Variants in GOLGA5 observed in about 807,000 individuals in gnomAD.
GOLGA5 encodes the protein golgin A5.
Under a neutral mutation model 93.5 loss-of-function variants are expected in GOLGA5, and 50 were observed. The observed-to-expected ratio is 0.53, with a 90% confidence interval of 0.43 to 0.68. GOLGA5 has a LOEUF of 0.68. Among genes scored for constraint, GOLGA5 ranks in the 30% least tolerant of loss-of-function variants. The pLI, the probability that GOLGA5 is intolerant of heterozygous loss-of-function variation, is 0.00. For synonymous variants in GOLGA5, 312 were observed against 304.5 expected (o/e 1.02, Z -0.26); for missense variants, 760 against 856.4 (o/e 0.89, Z 1.40).
intron 9 of GOLGA5, among the ~76,000 whole-genome samples, chr14:92,826,739 G>A (rs1281207915): frequency 1.3e-5 from 2 of 151,180 alleles, no homozygotes; most frequent in African/African-American, 2.4e-5. Flanking sequence ...TTGCATGGGA[G>A]TAGATGAAAA....
chr14:92,835,045 C>G (rs1224944318), intron 10 of GOLGA5, among the ~76,000 whole-genome samples: 2 of 152,114 alleles, frequency 1.3e-5, no homozygotes, highest in Non-Finnish European at 2.9e-5. Flanking sequence ...TTGTGATGTC[C>G]TGAGACAGGG....
At chr14:92,838,835 A>G (rs1885701010) in intron 12 of GOLGA5, among the ~76,000 whole-genome samples, 1 of 152,160 alleles carries the variant, frequency 6.6e-6, no homozygotes, top group Admixed American at 6.5e-5. Flanking sequence ...TTTCTGGCAC[A>G]CGACAAAGTG....
At chr14:92,817,280 T>TA (rs545582690) in intron 7 of GOLGA5, among the ~76,000 whole-genome samples, 322 of 152,276 alleles carry the variant, frequency 2.1e-3, no homozygotes, top group African/African-American at 7.2e-3. Context: ...GTTATGGTGA[T>TA]AAAAAACAGA....
chr14:92,810,859 A>G (rs1032569009), intron 5 of GOLGA5, among the ~76,000 whole-genome samples: 11 of 152,242 alleles, frequency 7.2e-5, no homozygotes, highest in African/African-American at 1.2e-4. Flanking sequence ...TCTGAGCTCC[A>G]TATGCAGTCA....
At chr14:92,836,785 C>T (rs368506914) in intron 11 of GOLGA5, among the ~76,000 whole-genome samples, 2 of 152,088 alleles carry the variant, frequency 1.3e-5, no homozygotes, top group African/African-American at 2.4e-5. Context: ...AGATTTAGGC[C>T]GGGCACGGTG....
In GOLGA5 at chr14:92,839,931, TAAAAG is replaced by T. The variant is rs895401635; in HGVS notation, c.*490_*494del. 2.4e-5 allele frequency: 4 copies of T among 169,842 alleles called. No homozygotes were observed. The highest frequency in any genetic ancestry group is 9.5e-5 in the African/African-American group (4 of 42,106). 10.5% of individuals were successfully genotyped at this position (169,842 alleles called of 1,614,324 possible). On this transcript the variant is annotated 3_prime_UTR_variant, in exon 13 of 13. Transcript: ENST00000163416. ...GTAAATCTTTTTATAAATACATAAA[TAAAAG>T]AAAAATATGCATTTTTCTTTTCTAA...
intron 1 of GOLGA5, among the ~76,000 whole-genome samples, chr14:92,795,724 G>C (rs981706345): frequency 1.5e-5 from 1 of 68,124 alleles, no homozygotes; most frequent in Non-Finnish European, 2.6e-5. Flanking sequence ...AGAACAAGAA[G>C]CATGTTAAAA....
Position 92,824,563 on chromosome 14 carries a change from A to G in GOLGA5, c.1638A>G (p.Glu546=). The change falls in exon 9 of 13, where the codon GAA becomes GAG. Residue 546 remains glutamate (E), a synonymous_variant. Coordinates refer to ENST00000163416, the MANE Select transcript of GOLGA5 (RefSeq NM_005113.4). ...ERLKQEFHYI[E]EDLYRTKNTL... is the part of the protein sequence containing the mutation. ...CTTTGCAGGAGTTCCACTATATAGA[A>G]GAAGATCTTTATCGAACAAAGAACA... is the stretch of plus-strand genomic sequence containing the variant. 1 of 1,594,064 alleles carries G rather than the reference A, an allele frequency of 6.3e-7. No individual in the cohort carries two copies. The highest frequency in any genetic ancestry group is 8.6e-7 in the Non-Finnish European group (1 of 1,164,312).
Position 92,797,791 on chromosome 14 carries a change from T to C in GOLGA5, c.354T>C (p.Pro118=). The C allele has an allele frequency of 6.2e-7, 1 of 1,613,834 alleles. No individual in the cohort carries two copies. Among genetic ancestry groups the C allele is most frequent in the Non-Finnish European group, 8.5e-7 (1 of 1,179,888 alleles). ...TTGTGCGAAGAAAAAAGTCAGAACCTGATGATGAGCTGCTGTTTGATTTTC... is the reference window on the plus strand; with the variant it reads ...TTGTGCGAAGAAAAAAGTCAGAACCCGATGATGAGCTGCTGTTTGATTTTC... ...SHFVRRKKSE[P]DDELLFDFLN... The change falls in exon 2 of 13, where the codon CCT becomes CCC. Residue 118 remains proline, a synonymous_variant. Coordinates refer to ENST00000163416, the MANE Select transcript of GOLGA5 (RefSeq NM_005113.4).
chr14:92,807,416 A>T (rs541591410), intron 3 of GOLGA5, among the ~76,000 whole-genome samples: 1 of 152,260 alleles, frequency 6.6e-6, no homozygotes, highest in Non-Finnish European at 1.5e-5. Flanking sequence ...TGATATTTTC[A>T]TAGAAAAACT....
chr14:92,814,699 G>C (rs1356019447), intron 6 of GOLGA5, among the ~76,000 whole-genome samples: 1 of 152,098 alleles, frequency 6.6e-6, no homozygotes, highest in Non-Finnish European at 1.5e-5. Flanking sequence ...AATTATTTTT[G>C]ATGGAGGAGA....
intron 7 of GOLGA5, among the ~76,000 whole-genome samples, chr14:92,817,505 T>C (rs1885234624): frequency 6.6e-6 from 1 of 152,212 alleles, no homozygotes; most frequent in East Asian, 1.9e-4. Context: ...ATTTATAGTT[T>C]ATGTATAATT....
intron 2 of GOLGA5, among the ~76,000 whole-genome samples, chr14:92,805,563 G>A (rs1884966958): frequency 6.6e-6 from 1 of 152,192 alleles, no homozygotes. Flanking sequence ...ATAAGAAATT[G>A]TAAAACCTTT....
At chr14:92,831,989 A>G (rs903117939) in intron 9 of GOLGA5, among the ~76,000 whole-genome samples, 1 of 152,210 alleles carries the variant, frequency 6.6e-6, no homozygotes, top group Non-Finnish European at 1.5e-5. Flanking sequence ...ACTTAGATCA[A>G]ACTTTTTTCA....
At chr14:92,816,224 T>G (rs777325876) in intron 6 of GOLGA5, 27 bp from the exon 7 acceptor site, 1 of 1,520,692 alleles carries the variant, frequency 6.6e-7, no homozygotes, top group East Asian at 2.2e-5. Context: ...TCTGCTTTGC[T>G]TAAACATATT....
At chr14:92,815,765 G>A (rs980444906) in intron 6 of GOLGA5, among the ~76,000 whole-genome samples, 4 of 144,658 alleles carry the variant, frequency 2.8e-5, no homozygotes, top group African/African-American at 7.8e-5. Flanking sequence ...GTGCGGTGGC[G>A]CGATCTCGGC....
chr14:92,835,830 T>G (rs1366652447), intron 11 of GOLGA5, among the ~76,000 whole-genome samples, 166 bp downstream of exon 11: 5 of 152,238 alleles, frequency 3.3e-5, no homozygotes, highest in Non-Finnish European at 5.9e-5. Flanking sequence ...ACAGTTATAT[T>G]ACACTTTCAT....
chr14:92,797,334 T>C (rs888073367), intron 1 of GOLGA5, 74 bp from the exon 2 acceptor site: 15 of 856,804 alleles, frequency 1.8e-5, no homozygotes, highest in Admixed American at 1.1e-4. Flanking sequence ...ATTGCCTGAC[T>C]CCAGAGTCTG....
At chr14:92,833,474 G>T (rs1885573541) in intron 10 of GOLGA5, 127 bp downstream of exon 10, 5 of 669,790 alleles carry the variant, frequency 7.5e-6, no homozygotes, top group Non-Finnish European at 1.3e-5. Flanking sequence ...TATGAGACCT[G>T]GGCCACGTAC....
Sources: allele counts gnomAD v4.1 joint callset (sites outside exome capture counted in the v4.1 genomes callset), GRCh38; gene constraint gnomAD v4.1.1; transcripts MANE v1.5; gene names NCBI Gene and HGNC (gene_info 2026-07-23, HGNC 2026-07-21).